The following PSD3 variants were observed in gnomAD, a reference collection of about 807,000 sequenced individuals.
PSD3 encodes the protein pleckstrin and Sec7 domain containing 3.
In PSD3, 49 loss-of-function variants were observed where a neutral mutation model predicts 105.5. The observed-to-expected ratio is 0.46, with a 90% CI of 0.37 to 0.59. PSD3 has a LOEUF of 0.59. Ranked by LOEUF, PSD3 falls within the 20% of genes least tolerant of loss-of-function variation. PSD3 has a pLI of 0.00. For missense variants in PSD3, 1,561 were observed against 1,263.8 expected (o/e 1.24, Z -3.57); for synonymous variants, 557 against 457.8 (o/e 1.22, Z -2.77).
intron 4 of PSD3, among the ~76,000 whole-genome samples, chr8:18,847,954 G>A (rs1286633836): frequency 6.6e-6 from 1 of 152,136 alleles, no homozygotes; most frequent in Admixed American, 6.5e-5. Flanking sequence ...AATATTCAGG[G>A]AAGAAAAAGA....
intron 1 of PSD3, among the ~76,000 whole-genome samples, chr8:18,969,888 C>A (rs1410396673): frequency 6.6e-6 from 1 of 152,110 alleles, no homozygotes; most frequent in Admixed American, 6.5e-5. Flanking sequence ...AATCTCCCCA[C>A]AAGGGATTTT....
intron 4 of PSD3, among the ~76,000 whole-genome samples, chr8:18,806,935 G>T (rs771919362): frequency 2.6e-5 from 4 of 152,102 alleles, no homozygotes; most frequent in Non-Finnish European, 5.9e-5. Context: ...TTCTTTTGGG[G>T]TGATGAAAGC....
chr8:18,551,026 T>A (rs1006664820), intron 15 of PSD3, among the ~76,000 whole-genome samples: 2 of 152,180 alleles, frequency 1.3e-5, no homozygotes, highest in African/African-American at 4.8e-5. Flanking sequence ...ATGGCTATCT[T>A]TGCACTTTTA....
chr8:18,673,083 A>G (rs1454909037), intron 9 of PSD3, among the ~76,000 whole-genome samples: 1 of 152,164 alleles, frequency 6.6e-6, no homozygotes, highest in Non-Finnish European at 1.5e-5. Context: ...CTTGCTGCTC[A>G]AAAGTCACCT....
At position 18,859,930 on chromosome 8, in the gene PSD3, A is replaced by G. The variant is rs192130820; in HGVS notation, c.1634+7744T>C. On this transcript the variant is annotated intron_variant, in intron 4 of 15. Coordinates refer to ENST00000327040, the MANE Select transcript of PSD3 (RefSeq NM_015310.4). ...GAAGTAGCACTTTTAATTTCCTTCA[A>G]GAACTTTTCATTGCATTCACAACTT... 4.1e-3 allele frequency among the ~76,000 whole-genome samples: 624 copies of G among 152,366 alleles called. 11 individuals carry two copies. Among genetic ancestry groups the G allele is most frequent in the African/African-American group, 0.014 (602 of 41,590 alleles).
At chr8:18,811,350 G>A (rs1811665935) in intron 4 of PSD3, among the ~76,000 whole-genome samples, 1 of 152,174 alleles carries the variant, frequency 6.6e-6, no homozygotes, top group Non-Finnish European at 1.5e-5. Context: ...TGTCTTCAAT[G>A]ATTCAATGAA....
chr8:18,820,320 T>C (rs1415954189), intron 4 of PSD3, among the ~76,000 whole-genome samples: 1 of 152,022 alleles, frequency 6.6e-6, no homozygotes, highest in African/African-American at 2.4e-5. Context: ...TACTGACTTA[T>C]CTCCCAATCA....
chr8:18,836,140 T>A (rs1266548834), intron 4 of PSD3, among the ~76,000 whole-genome samples: 1 of 152,004 alleles, frequency 6.6e-6, no homozygotes, highest in African/African-American at 2.4e-5. Flanking sequence ...ATCACCTGAG[T>A]GAGATGCCAA....
chr8:18,766,915 G>A (rs1807048284), intron 8 of PSD3, among the ~76,000 whole-genome samples: 1 of 152,176 alleles, frequency 6.6e-6, no homozygotes, highest in Admixed American at 6.5e-5. Context: ...TGGGAAATAC[G>A]CCTATCCCTT....
intron 9 of PSD3, among the ~76,000 whole-genome samples, chr8:18,678,085 C>T (rs914861060): frequency 4.6e-5 from 7 of 151,546 alleles, no homozygotes; most frequent in African/African-American, 1.7e-4. Context: ...TAATTAATAC[C>T]TGGTGAAAAA....
chr8:18,949,260 T>TAC (rs1180202415), intron 1 of PSD3, among the ~76,000 whole-genome samples: 1 of 103,182 alleles, frequency 9.7e-6, no homozygotes, highest in Non-Finnish European at 2.0e-5. Context: ...TATATATATA[T>TAC]ATATATATAT....
At chr8:19,065,007 T>A (rs1002929308) in intron 1 of PSD3, among the ~76,000 whole-genome samples, 6 of 152,186 alleles carry the variant, frequency 3.9e-5, no homozygotes, top group African/African-American at 1.2e-4. Flanking sequence ...AAACTAAACT[T>A]TAAAATGGGC....
At chr8:18,900,449 A>C (rs1018653537) in intron 2 of PSD3, among the ~76,000 whole-genome samples, 2 of 152,150 alleles carry the variant, frequency 1.3e-5, no homozygotes, top group African/African-American at 2.4e-5. Flanking sequence ...GCAGGTGACC[A>C]CAGCTGCAGA....
chr8:19,057,206 T>C (rs1456588490), intron 1 of PSD3, among the ~76,000 whole-genome samples: 1 of 152,188 alleles, frequency 6.6e-6, no homozygotes. Context: ...TTCTCTACTC[T>C]TGTTCATAAT....
At chr8:18,676,651 C>G (rs961514381) in intron 9 of PSD3, among the ~76,000 whole-genome samples, 3 of 152,190 alleles carry the variant, frequency 2.0e-5, no homozygotes, top group African/African-American at 7.2e-5. Context: ...GCCCATCACT[C>G]GAGATAACTA....
chr8:18,688,065 G>C (rs567589220), intron 9 of PSD3, among the ~76,000 whole-genome samples: 30 of 152,048 alleles, frequency 2.0e-4, no homozygotes, highest in African/African-American at 7.2e-4. Flanking sequence ...CACTACGCTT[G>C]GTCTATTTTT....
chr8:18,765,920 A>C (rs1325905503), intron 8 of PSD3, among the ~76,000 whole-genome samples: 1 of 150,882 alleles, frequency 6.6e-6, no homozygotes, highest in Non-Finnish European at 1.5e-5. Flanking sequence ...GCGAGCGGAG[A>C]TGGTGCCACT....
intron 1 of PSD3, among the ~76,000 whole-genome samples, chr8:19,051,608 G>C (rs1162960454): frequency 6.6e-6 from 1 of 152,090 alleles, no homozygotes; most frequent in Non-Finnish European, 1.5e-5. Context: ...GGCAGCAGAG[G>C]AAATAAAAAT....
At chr8:18,713,035 A>G (rs1303597096) in intron 9 of PSD3, among the ~76,000 whole-genome samples, 1 of 152,138 alleles carries the variant, frequency 6.6e-6, no homozygotes, top group African/African-American at 2.4e-5. Flanking sequence ...GACAAAAACC[A>G]CGGGATTATC....
Sources: allele counts gnomAD v4.1 joint callset (sites outside exome capture counted in the v4.1 genomes callset), GRCh38; gene constraint gnomAD v4.1.1; transcripts MANE v1.5; gene names NCBI Gene and HGNC (gene_info 2026-07-23, HGNC 2026-07-21).